The following TRABD2B variants were observed in gnomAD, a reference collection of about 807,000 sequenced individuals.
TRABD2B encodes the protein TraB domain containing 2B.
Under a neutral mutation model 40.1 loss-of-function variants are expected in TRABD2B, and 14 were observed. That is an observed-to-expected ratio of 0.35 (90% CI 0.23 to 0.55). TRABD2B has a LOEUF of 0.55. Among genes scored for constraint, TRABD2B ranks in the 20% least tolerant of loss-of-function variants. The pLI is 0.90. For missense variants in TRABD2B, 541 were observed against 648.6 expected (o/e 0.83, Z 1.80); for synonymous variants, 263 against 277.0 (o/e 0.95, Z 0.50).
intron 3 of TRABD2B, 149 bp downstream of exon 3, chr1:47,801,324 C>T (rs1335728411): frequency 2.3e-6 from 2 of 870,994 alleles, no homozygotes; most frequent in African/African-American, 1.7e-5. Flanking sequence ...CAAATCTCTT[C>T]TCATCTCTGA....
In TRABD2B at chr1:47,945,596, C is replaced by A. The variant is rs182806881; in HGVS notation, c.666+48438G>T. Among the ~76,000 whole-genome samples the A allele has an allele frequency of 2.8e-3, 419 of 152,286 alleles. 2 individuals are homozygous for A. Among genetic ancestry groups the A allele is most frequent in the African/African-American group, 9.7e-3 (403 of 41,554 alleles). ...TAGTAAACCCTCCCTCCTCCTCAGTCCCTGACAATCACTGATGTTTTCTGT... is the reference window on the plus strand; with the variant it reads ...TAGTAAACCCTCCCTCCTCCTCAGTACCTGACAATCACTGATGTTTTCTGT... On this transcript the variant is annotated intron_variant, in intron 2 of 6. Coordinates refer to ENST00000606738, the MANE Select transcript of TRABD2B (RefSeq NM_001194986.2).
At chr1:47,790,385 C>T (rs531255896) in intron 4 of TRABD2B, among the ~76,000 whole-genome samples, 40 of 152,308 alleles carry the variant, frequency 2.6e-4, no homozygotes, top group East Asian at 5.8e-4. Flanking sequence ...ACAGCCACCT[C>T]CTGGATAGGG....
At chr1:47,883,565 T>C (rs1346691060) in intron 2 of TRABD2B, among the ~76,000 whole-genome samples, 1 of 152,122 alleles carries the variant, frequency 6.6e-6, no homozygotes, top group Non-Finnish European at 1.5e-5. Flanking sequence ...TTCTCTGAGA[T>C]CTTAGAAGGA....
intron 2 of TRABD2B, among the ~76,000 whole-genome samples, chr1:47,919,372 C>T (rs1644872118): frequency 6.6e-6 from 1 of 152,174 alleles, no homozygotes; most frequent in Non-Finnish European, 1.5e-5. Flanking sequence ...TAGAGGGCTC[C>T]AGAAATCTAA....
intron 2 of TRABD2B, among the ~76,000 whole-genome samples, chr1:47,953,269 G>T (rs1645372304): frequency 6.6e-6 from 1 of 152,186 alleles, no homozygotes; most frequent in Non-Finnish European, 1.5e-5. Flanking sequence ...CTTTTTGAGA[G>T]AAATCAGGAC....
intron 2 of TRABD2B, among the ~76,000 whole-genome samples, chr1:47,827,807 G>A (rs1207058309): frequency 6.6e-6 from 1 of 151,914 alleles, no homozygotes; most frequent in Non-Finnish European, 1.5e-5. Flanking sequence ...TAAACAGGAG[G>A]GATTTAAACA....
intron 2 of TRABD2B, among the ~76,000 whole-genome samples, chr1:47,955,957 A>G (rs904753818): frequency 6.6e-5 from 10 of 152,174 alleles, no homozygotes; most frequent in African/African-American, 2.4e-4. Context: ...CTTGGCACAT[A>G]GATGAATCTC....
intron 2 of TRABD2B, among the ~76,000 whole-genome samples, chr1:47,902,259 A>T (rs748586315): frequency 1.8e-4 from 28 of 152,002 alleles, no homozygotes; most frequent in Non-Finnish European, 3.4e-4. Flanking sequence ...TTCTCCCATA[A>T]CCAAGTTCTC....
chr1:47,816,663 G>C (rs1411949976), intron 2 of TRABD2B, among the ~76,000 whole-genome samples: 1 of 151,990 alleles, frequency 6.6e-6, no homozygotes, highest in African/African-American at 2.4e-5. Flanking sequence ...ATCCACTCAG[G>C]GGCCCCTGTT....
chr1:47,799,835 C>A (rs1398436489), intron 3 of TRABD2B, among the ~76,000 whole-genome samples: 1 of 152,158 alleles, frequency 6.6e-6, no homozygotes, highest in African/African-American at 2.4e-5. Context: ...AGGCCCTACC[C>A]ACAAGCCCAT....
chr1:47,843,098 A>G (rs760185815), intron 2 of TRABD2B, among the ~76,000 whole-genome samples: 1 of 152,068 alleles, frequency 6.6e-6, no homozygotes, highest in Non-Finnish European at 1.5e-5. Flanking sequence ...GGGAGGTGTG[A>G]GATGAGGTCA....
intron 2 of TRABD2B, among the ~76,000 whole-genome samples, chr1:47,846,669 G>T (rs1019974895): frequency 5.9e-5 from 9 of 152,138 alleles, no homozygotes; most frequent in Non-Finnish European, 1.2e-4. Flanking sequence ...CCCTGCAGGG[G>T]CTCACTGAGT....
intron 2 of TRABD2B, among the ~76,000 whole-genome samples, chr1:47,878,005 GAA>G (rs761950614): frequency 4.0e-5 from 5 of 123,494 alleles, no homozygotes; most frequent in Admixed American, 8.4e-5. Flanking sequence ...CTCCATCTCA[GAA>G]AAAAAAAAAA....
At chr1:47,984,306 A>T (rs2148447852) in intron 2 of TRABD2B, among the ~76,000 whole-genome samples, 1 of 152,294 alleles carries the variant, frequency 6.6e-6, no homozygotes, top group East Asian at 1.9e-4. Flanking sequence ...TCGCTGCCTG[A>T]TCGAGTGACG....
chr1:47,827,793 T>A (rs1265920734), intron 2 of TRABD2B, among the ~76,000 whole-genome samples: 1 of 151,904 alleles, frequency 6.6e-6, no homozygotes, highest in Non-Finnish European at 1.5e-5. Context: ...GTACCCCCCC[T>A]TATTAAACAG....
chr1:47,896,496 G>A (rs1350156855), intron 2 of TRABD2B, among the ~76,000 whole-genome samples: 1 of 152,218 alleles, frequency 6.6e-6, no homozygotes, highest in Non-Finnish European at 1.5e-5. Flanking sequence ...TGGAACCCAA[G>A]CAGAGACCCT....
intron 2 of TRABD2B, among the ~76,000 whole-genome samples, chr1:47,919,745 C>CTGACAGGAGCTGGG: frequency 6.6e-6 from 1 of 152,330 alleles, no homozygotes; most frequent in Middle Eastern, 3.4e-3. Context: ...TGGGTCACTG[C>CTGACAGGAGCTGGG]TCCAGTCAGC....
chr1:47,980,995 A>G (rs998840777), intron 2 of TRABD2B, among the ~76,000 whole-genome samples: 2 of 151,356 alleles, frequency 1.3e-5, no homozygotes, highest in East Asian at 1.9e-4. Flanking sequence ...TCTGGGTCAC[A>G]TTCCCTCTTT....
chr1:47,767,375 A>G (rs1644318941), intron 6 of TRABD2B, among the ~76,000 whole-genome samples: 1 of 152,230 alleles, frequency 6.6e-6, no homozygotes, highest in African/African-American at 2.4e-5. Context: ...GGCCACAGTC[A>G]GCCTGAAAGG....
Sources: gnomAD v4.1 joint callset for allele counts (sites outside exome capture counted in the v4.1 genomes callset) on GRCh38, gnomAD v4.1.1 for gene constraint, MANE v1.5 for transcripts, NCBI Gene and HGNC (gene_info 2026-07-23, HGNC 2026-07-21) for gene names.